MTREX: variants seen among roughly 807,000 people sequenced by gnomAD.
MTREX encodes the protein Mtr4 exosome RNA helicase.
A neutral mutation model predicts 135.4 loss-of-function variants in MTREX; 76 were observed. The ratio of observed to expected loss-of-function variants is 0.56; its 90% CI spans 0.47 to 0.68. MTREX has a LOEUF of 0.68. Ranked by LOEUF, MTREX falls within the 30% of genes least tolerant of loss-of-function variation. The pLI is 0.00. For synonymous variants in MTREX, 404 were observed against 401.6 expected (o/e 1.01, Z -0.07); for missense variants, 920 against 1,262.1 (o/e 0.73, Z 4.11).
At chr5:55,422,768 C>T in intron 25 of MTREX, 110 bp from the exon 26 acceptor site, 1 of 751,242 alleles carries the variant, frequency 1.3e-6, no homozygotes, top group Non-Finnish European at 2.2e-6. Context: ...ATGGGAAGTC[C>T]CTCAAAGTAC....
intron 1 of MTREX, among the ~76,000 whole-genome samples, chr5:55,308,426 T>C (rs2925531): frequency 0.14 from 20,612 of 151,826 alleles, 1,722 homozygotes; most frequent in East Asian, 0.26. Flanking sequence ...GTCTCCTGCA[T>C]CAGCACAACA....
intron 3 of MTREX, 62 bp downstream of exon 3, chr5:55,324,260 A>G (rs1749334164): frequency 5.1e-6 from 6 of 1,174,312 alleles, no homozygotes; most frequent in Non-Finnish European, 7.5e-6. Context: ...TGGACTATCT[A>G]GTATGATGAT....
intron 16 of MTREX, among the ~76,000 whole-genome samples, chr5:55,377,000 G>A (rs1750314109): frequency 1.3e-5 from 2 of 151,840 alleles, no homozygotes; most frequent in Admixed American, 6.6e-5. Flanking sequence ...AAACCTGTGA[G>A]GCTGAGGTTG....
intron 22 of MTREX, among the ~76,000 whole-genome samples, chr5:55,410,182 A>C (rs1750864626): frequency 6.6e-6 from 1 of 152,240 alleles, no homozygotes; most frequent in Admixed American, 6.5e-5. Context: ...TATTTGTAAA[A>C]TAACTGAAAA....
In MTREX at chr5:55,375,330, G is replaced by A. The variant is rs147796873; in HGVS notation, c.1811-2984G>A. On this transcript the variant is annotated intron_variant, in intron 16 of 26. Transcript: ENST00000230640. ...GGGTCTATTTCACCCCGGCAGTCTCGAACATAAGAGACAGGTACGCCCCAG... is the reference window on the plus strand; with the variant it reads ...GGGTCTATTTCACCCCGGCAGTCTCAAACATAAGAGACAGGTACGCCCCAG... 1.4e-3 allele frequency among the ~76,000 whole-genome samples: 207 copies of A among 152,228 alleles called. 2 individuals are homozygous for A. The Middle Eastern group carries it at 0.024, about 18-fold the overall frequency.
At chr5:55,408,262 T>C (rs1243150970) in intron 22 of MTREX, among the ~76,000 whole-genome samples, 1 of 152,214 alleles carries the variant, frequency 6.6e-6, no homozygotes, top group African/African-American at 2.4e-5. Flanking sequence ...TGCAAAGAAC[T>C]TCGAAACTTG....
chr5:55,310,060 T>C (rs1749086111), intron 1 of MTREX, among the ~76,000 whole-genome samples: 1 of 152,252 alleles, frequency 6.6e-6, no homozygotes, highest in Admixed American at 6.5e-5. Context: ...AGACAATACA[T>C]GTATAATTTA....
intron 14 of MTREX, among the ~76,000 whole-genome samples, chr5:55,354,570 T>C (rs1749879851): frequency 6.6e-6 from 1 of 152,208 alleles, no homozygotes; most frequent in Admixed American, 6.5e-5. Context: ...TTTCATGATG[T>C]GTTTTATTTT....
In MTREX at chr5:55,424,761, C is replaced by T; in HGVS notation, c.3118C>T (p.Leu1040Phe). 7.4e-6 allele frequency: 12 copies of T among 1,610,848 alleles called. No individual in the cohort carries two copies. The highest frequency in any genetic ancestry group is 9.3e-6 in the Non-Finnish European group (11 of 1,177,104). The change falls in exon 27 of 27, where the codon CTC (leucine) becomes TTC (phenylalanine). Residue 1040 changes from leucine to phenylalanine, a missense_variant. Physicochemically the swap from Leu to Phe is conservative, Grantham distance 22. Around this residue, in one of 6 missense-constraint regions of MTREX, gnomAD observed 467 missense variants for 589.7 expected, o/e 0.79. Transcript: ENST00000230640. ...IKRDIVFAASLYL is the reference protein window; with the variant it reads ...IKRDIVFAASFYL ...GAGAGATATTGTGTTTGCTGCCAGCCTCTACTTGTAGAGTCAGCTAAAGGA... is the reference window on the plus strand; with the variant it reads ...GAGAGATATTGTGTTTGCTGCCAGCTTCTACTTGTAGAGTCAGCTAAAGGA...
chr5:55,408,767 A>T (rs957421071), intron 22 of MTREX, among the ~76,000 whole-genome samples: 1 of 152,142 alleles, frequency 6.6e-6, no homozygotes, highest in African/African-American at 2.4e-5. Context: ...ATAAGTGAAG[A>T]TATTTTGCAG....
chr5:55,353,972 A>T (rs1254006866), intron 14 of MTREX, among the ~76,000 whole-genome samples: 1 of 152,214 alleles, frequency 6.6e-6, no homozygotes, highest in Non-Finnish European at 1.5e-5. Flanking sequence ...AGAAGTTCTA[A>T]CAGGTTTGCA....
At chr5:55,324,323 G>T in intron 3 of MTREX, 125 bp downstream of exon 3, 1 of 499,912 alleles carries the variant, frequency 2.0e-6, no homozygotes, top group East Asian at 3.3e-5. Context: ...GTTTCCATGG[G>T]GTACCTAGTG....
chr5:55,325,353 T>C (rs1248813806), intron 3 of MTREX, among the ~76,000 whole-genome samples: 2 of 150,412 alleles, frequency 1.3e-5, no homozygotes, highest in East Asian at 3.9e-4. Context: ...TTTTTTTTTT[T>C]AAGAGTCTCA....
intron 5 of MTREX, among the ~76,000 whole-genome samples, 161 bp from the exon 6 acceptor site, chr5:55,339,849 T>C (rs1305440972): frequency 6.6e-6 from 1 of 152,206 alleles, no homozygotes. Flanking sequence ...ATTTCATATT[T>C]ATTATAATTA....
In MTREX at chr5:55,378,237, G is replaced by GA. The variant is rs1328235395; in HGVS notation, c.1811-71dup. On this transcript the variant is annotated intron_variant, in intron 16 of 26. Coordinates refer to ENST00000230640, the MANE Select transcript of MTREX (RefSeq NM_015360.5). ...CAACTACACTTGCACCAACCTAATA[G>GA]AAAAAATCCTATGTCTTGGGTATAA... The GA allele has an allele frequency of 5.5e-6, 8 of 1,450,732 alleles. No individual in the cohort carries two copies. The East Asian group carries it at 7.6e-5, about 14-fold the overall frequency. 89.9% of individuals were successfully genotyped at this position (1,450,732 alleles called of 1,614,324 possible). A position where few individuals can be genotyped will look rare whatever the true frequency, so the allele number is the denominator to read the frequency against.
intron 1 of MTREX, among the ~76,000 whole-genome samples, chr5:55,308,450 CG>C (rs1403694186): frequency 6.6e-6 from 1 of 151,000 alleles, no homozygotes; most frequent in Admixed American, 6.6e-5. Context: ...GGCACATAGT[CG>C]TTAATAAACA....
rs776558345 is a variant in MTREX, at chr5:55,378,422, T to C, written c.1919T>C (p.Ile640Thr). The change falls in exon 17 of 27, where the codon ATT (isoleucine) becomes ACT (threonine). Residue 640 changes from isoleucine (I) to threonine (T), a missense_variant. Ile to Thr is a moderately conservative substitution (Grantham distance 89). Coordinates refer to ENST00000230640, the MANE Select transcript of MTREX (RefSeq NM_015360.5). ...CAGCTTGCCAAATTGGGTAAAGAAA[T>C]TGAAGAATATATTCACAAACCAAAA... Reference protein sequence around the residue: ...RQQLAKLGKEIEEYIHKPKYC... With the variant: ...RQQLAKLGKETEEYIHKPKYC... The C allele has an allele frequency of 1.1e-5, 17 of 1,612,404 alleles. No individual in the cohort carries two copies. Among genetic ancestry groups the C allele is most frequent in the Admixed American group, 6.7e-5 (4 of 59,802 alleles).
At chr5:55,352,279 T>C (rs1261771797) in intron 13 of MTREX, among the ~76,000 whole-genome samples, 1 of 152,216 alleles carries the variant, frequency 6.6e-6, no homozygotes, top group Non-Finnish European at 1.5e-5. Flanking sequence ...TAAATTTACT[T>C]ATCTTGAAGA....
intron 1 of MTREX, among the ~76,000 whole-genome samples, chr5:55,308,729 T>A (rs961860353): frequency 6.6e-6 from 1 of 152,084 alleles, no homozygotes; most frequent in Non-Finnish European, 1.5e-5. Context: ...TGAGAAAAAA[T>A]TTAAAAATTA....
Sources: gnomAD v4.1 joint callset for allele counts (sites outside exome capture counted in the v4.1 genomes callset) on GRCh38, gnomAD v4.1.1 for gene constraint, gnomAD v4.1.1 regional missense constraint, MANE v1.5 for transcripts, NCBI Gene and HGNC (gene_info 2026-07-23, HGNC 2026-07-21) for gene names.